Variants in ARHGAP20 observed in about 807,000 individuals in gnomAD.
ARHGAP20 encodes rho GTPase-activating protein 20.
A neutral mutation model predicts 73.7 loss-of-function variants in ARHGAP20; 34 were observed. The observed-to-expected ratio is 0.46, with a 90% CI of 0.35 to 0.61. The LOEUF (loss-of-function observed/expected upper bound fraction) is 0.61. Among genes scored for constraint, ARHGAP20 ranks in the 20% least tolerant of loss-of-function variants. The pLI, the probability that ARHGAP20 is intolerant of heterozygous loss-of-function variation, is 0.00. For synonymous variants in ARHGAP20, 523 were observed against 518.2 expected (o/e 1.01, Z -0.13); for missense variants, 1,314 against 1,420.9 (o/e 0.92, Z 1.21).
chr11:110,593,619 A>T (rs1947881632), intron 9 of ARHGAP20, among the ~76,000 whole-genome samples: 1 of 152,222 alleles, frequency 6.6e-6, no homozygotes, highest in Admixed American at 6.5e-5. Context: ...AGTTGAGAAG[A>T]AACCTACTCT....
intron 2 of ARHGAP20, among the ~76,000 whole-genome samples, chr11:110,631,121 C>CA (rs1390661273): frequency 3.3e-5 from 5 of 152,158 alleles, no homozygotes; most frequent in Non-Finnish European, 5.9e-5. Context: ...TACATACAGG[C>CA]AGTACACATC....
At chr11:110,652,298 C>T (rs775626711) in intron 2 of ARHGAP20, among the ~76,000 whole-genome samples, 2 of 152,090 alleles carry the variant, frequency 1.3e-5, no homozygotes, top group African/African-American at 4.8e-5. Flanking sequence ...TGGGCAAAAG[C>T]TGGAAGCATT....
intron 2 of ARHGAP20, among the ~76,000 whole-genome samples, chr11:110,671,886 T>C (rs1411446530): frequency 3.3e-5 from 5 of 152,258 alleles, no homozygotes; most frequent in South Asian, 2.1e-4. Flanking sequence ...AAAACGTATG[T>C]ACTTTTTGGG....
intron 4 of ARHGAP20, among the ~76,000 whole-genome samples, chr11:110,623,788 GA>G (rs11324072): frequency 0.19 from 28,809 of 152,072 alleles, 2,955 homozygotes; most frequent in East Asian, 0.31. Flanking sequence ...GGATGTTGAA[GA>G]GGGGGTCCTA....
intron 2 of ARHGAP20, among the ~76,000 whole-genome samples, chr11:110,665,233 T>C (rs1949700420): frequency 6.6e-6 from 1 of 152,198 alleles, no homozygotes; most frequent in Non-Finnish European, 1.5e-5. Flanking sequence ...TTGAGACTTT[T>C]TAGACATATT....
chr11:110,577,503 A>G lies in ARHGAP20; in HGVS notation c.*1867T>C, dbSNP rs578088124. 2.0e-6 allele frequency: 2 copies of G among 1,008,190 alleles called. No individual in the cohort carries two copies. Among genetic ancestry groups the G allele is most frequent in the East Asian group, 2.0e-4 (2 of 10,142 alleles). The allele number at this position is 1,008,190 out of a possible 1,614,324, so 62.5% of individuals were successfully genotyped here. On this transcript the variant is annotated 3_prime_UTR_variant, in exon 15 of 15. Coordinates refer to ENST00000683387, the MANE Select transcript of ARHGAP20 (RefSeq NM_001384657.1). ...AAAAAAAAGGCAATTTCTTCCAGAAAGACACTCCAAGCCGTTAAGAGCTTC... is the reference window on the plus strand; with the variant it reads ...AAAAAAAAGGCAATTTCTTCCAGAAGGACACTCCAAGCCGTTAAGAGCTTC...
intron 2 of ARHGAP20, among the ~76,000 whole-genome samples, chr11:110,631,360 T>C (rs1468795919): frequency 6.6e-6 from 1 of 152,204 alleles, no homozygotes; most frequent in Non-Finnish European, 1.5e-5. Flanking sequence ...TTATATAAAT[T>C]AACCAAATAT....
rs1591139177 is a variant in ARHGAP20, at chr11:110,650,580, C to T, written c.189-19788G>A. 2.6e-5 allele frequency among the ~76,000 whole-genome samples: 4 copies of T among 152,188 alleles called. No individual in the cohort carries two copies. In the Middle Eastern group the frequency reaches 0.01, roughly 388 times the overall value. On this transcript the variant is annotated intron_variant, in intron 2 of 14. Transcript: ENST00000683387. Reference sequence around the variant, plus strand: ...CATTCTCTACCTTTATGTCTGTAGTCTCACCTCTACATCCACACCACTCTA... The same window carrying T: ...CATTCTCTACCTTTATGTCTGTAGTTTCACCTCTACATCCACACCACTCTA...
At chr11:110,690,934 T>G (rs770182141) in intron 1 of ARHGAP20, 1 of 1,385,036 alleles carries the variant, frequency 7.2e-7, no homozygotes, top group African/African-American at 1.4e-5. Context: ...CTGGTTATCA[T>G]GTGTCTGGCT....
At chr11:110,689,015 T>G (rs77930370) in intron 2 of ARHGAP20, among the ~76,000 whole-genome samples, 1 of 151,344 alleles carries the variant, frequency 6.6e-6, no homozygotes, top group Non-Finnish European at 1.5e-5. Flanking sequence ...TTTTTTTTTT[T>G]GGAGATGGAG....
At chr11:110,594,941 C>T (rs1202741264) in intron 9 of ARHGAP20, among the ~76,000 whole-genome samples, 1 of 151,598 alleles carries the variant, frequency 6.6e-6, no homozygotes, top group Admixed American at 6.6e-5. Context: ...AAAGCTTATC[C>T]ACCATGATCC....
chr11:110,633,650 C>T (rs1948904443), intron 2 of ARHGAP20, among the ~76,000 whole-genome samples: 1 of 152,150 alleles, frequency 6.6e-6, no homozygotes, highest in Non-Finnish European at 1.5e-5. Flanking sequence ...GCATTTTCTA[C>T]TCATGATATT....
intron 4 of ARHGAP20, among the ~76,000 whole-genome samples, chr11:110,616,827 G>C (rs1362850278): frequency 6.6e-6 from 1 of 151,778 alleles, no homozygotes; most frequent in Admixed American, 6.6e-5. Flanking sequence ...AAAATCTGTT[G>C]AGAAACAGAT....
intron 2 of ARHGAP20, among the ~76,000 whole-genome samples, chr11:110,638,243 T>C (rs1191508489): frequency 1.3e-5 from 2 of 152,016 alleles, no homozygotes; most frequent in Non-Finnish European, 2.9e-5. Flanking sequence ...GTATATAAAG[T>C]GTATATGAAA....
chr11:110,689,980 T>C (rs909184013), intron 2 of ARHGAP20, among the ~76,000 whole-genome samples: 1 of 151,898 alleles, frequency 6.6e-6, no homozygotes, highest in South Asian at 2.1e-4. Flanking sequence ...AAAAAATGTC[T>C]ATTTCAATGT....
intron 1 of ARHGAP20, among the ~76,000 whole-genome samples, chr11:110,700,749 C>G (rs1362427964): frequency 8.4e-6 from 1 of 119,736 alleles, no homozygotes; most frequent in Non-Finnish European, 1.7e-5. Flanking sequence ...CTCCCCCCAC[C>G]CCACAACAGT....
intron 1 of ARHGAP20, among the ~76,000 whole-genome samples, chr11:110,694,045 A>G (rs1436020384): frequency 6.6e-6 from 1 of 151,918 alleles, no homozygotes; most frequent in Non-Finnish European, 1.5e-5. Context: ...TTTAGGCAAA[A>G]ATACTCAATT....
intron 1 of ARHGAP20, chr11:110,711,576 C>T (rs2135167423): frequency 4.1e-6 from 6 of 1,464,646 alleles, no homozygotes; most frequent in Non-Finnish European, 5.4e-6. Context: ...TATCTGCCCC[C>T]CGAAAACTGC....
chr11:110,706,491 T>C (rs1307635573), intron 1 of ARHGAP20, among the ~76,000 whole-genome samples: 1 of 152,214 alleles, frequency 6.6e-6, no homozygotes, highest in African/African-American at 2.4e-5. Context: ...TTGATATTTA[T>C]GGCTTCCAAT....
Sources: gnomAD v4.1 joint callset for allele counts (sites outside exome capture counted in the v4.1 genomes callset) on GRCh38, gnomAD v4.1.1 for gene constraint, MANE v1.5 for transcripts, NCBI Gene and HGNC (gene_info 2026-07-23, HGNC 2026-07-21) for gene names.